SPATA31F1: variants seen among roughly 807,000 people sequenced by gnomAD.
SPATA31F1 encodes the protein protein SPATA31F1.
the SPATA31F1 span, chr9:34,728,019 C>A: frequency 1.3e-6 from 2 of 1,551,880 alleles, no homozygotes; most frequent in Non-Finnish European, 1.7e-6. Flanking sequence ...AGCAATAGAT[C>A]ACCTTTTAAT....
the SPATA31F1 span, chr9:34,724,218 G>C: frequency 1.3e-6 from 2 of 1,551,506 alleles, no homozygotes; most frequent in Non-Finnish European, 1.7e-6. Flanking sequence ...TGAACACAAG[G>C]CATGTGGGCC....
the SPATA31F1 span, chr9:34,727,970 A>G: frequency 6.6e-7 from 1 of 1,522,142 alleles, no homozygotes; most frequent in Non-Finnish European, 8.9e-7. Flanking sequence ...AAGCCAAGAA[A>G]TCATCATAGG....
chr9:34,728,451 C>T, the SPATA31F1 span, among the ~76,000 whole-genome samples: 12 of 152,176 alleles, frequency 7.9e-5, no homozygotes, highest in Admixed American at 2.0e-4. Flanking sequence ...TTGGAACATT[C>T]TCAAGTTATG....
chr9:34,729,155 A>T, the SPATA31F1 span: 2 of 1,142,098 alleles, frequency 1.8e-6, no homozygotes, highest in Admixed American at 5.8e-5. Context: ...CTGAGAAGAA[A>T]AGTATTACAC....
chr9:34,728,691 C>T, the SPATA31F1 span: 1 of 1,545,996 alleles, frequency 6.5e-7, no homozygotes, highest in Non-Finnish European at 8.8e-7. Context: ...GAAGCTGGGA[C>T]ACCATTTTCT....
At chr9:34,727,520 G>A in the SPATA31F1 span, among the ~76,000 whole-genome samples, 4 of 152,330 alleles carry the variant, frequency 2.6e-5, no homozygotes, top group East Asian at 7.7e-4. Flanking sequence ...CTTAAGGAGA[G>A]GATAATATAA....
the SPATA31F1 span, chr9:34,724,796 G>C: frequency 7.7e-6 from 12 of 1,551,440 alleles, no homozygotes; most frequent in South Asian, 1.4e-4. Flanking sequence ...CACGGGACTA[G>C]GCTCCATCTC....
At chr9:34,728,661 A>C in the SPATA31F1 span, 1 of 1,551,518 alleles carries the variant, frequency 6.4e-7, no homozygotes, top group South Asian at 1.2e-5. Flanking sequence ...GACACTTAGA[A>C]GACAAAAACA....
chr9:34,728,272 A>C, the SPATA31F1 span, among the ~76,000 whole-genome samples: 1 of 152,226 alleles, frequency 6.6e-6, no homozygotes, highest in South Asian at 2.1e-4. Context: ...TTTGATTTTT[A>C]CAACCACAAT....
chr9:34,724,992 C>T, the SPATA31F1 span: 1 of 1,552,044 alleles, frequency 6.4e-7, no homozygotes, highest in South Asian at 1.2e-5. Context: ...CCTGGTAAAG[C>T]CTGTTGCTGC....
At chr9:34,727,071 T>C in the SPATA31F1 span, 1 of 1,478,818 alleles carries the variant, frequency 6.8e-7, no homozygotes, top group Non-Finnish European at 9.0e-7. Flanking sequence ...GGCACTCTCC[T>C]TTCCCAGTCC....
chr9:34,728,728 TTACA>T, the SPATA31F1 span: 3,409 of 1,358,010 alleles, frequency 2.5e-3, 66 homozygotes, highest in African/African-American at 0.042. Context: ...GAGACAAAAC[TTACA>T]TACATTTTTC....
the SPATA31F1 span, among the ~76,000 whole-genome samples, chr9:34,728,861 CA>C: frequency 2.0e-5 from 3 of 152,084 alleles, no homozygotes; most frequent in African/African-American, 7.2e-5. Context: ...GAGGCTTTTC[CA>C]AATTCTATAC....
chr9:34,723,601 A>G, the SPATA31F1 span: 392 of 1,551,648 alleles, frequency 2.5e-4, 2 homozygotes, highest in African/African-American at 4.5e-3. Context: ...ATTTAATTTT[A>G]TTTCTGAAGC....
At chr9:34,726,614 T>C in the SPATA31F1 span, 1 of 1,551,770 alleles carries the variant, frequency 6.4e-7, no homozygotes, top group Non-Finnish European at 8.7e-7. Flanking sequence ...ATCTGGCACT[T>C]GAAATTCCTG....
chr9:34,723,190 C>T, the SPATA31F1 span: 1 of 1,533,870 alleles, frequency 6.5e-7, no homozygotes, highest in South Asian at 1.2e-5. Context: ...GCATGTTCTC[C>T]TTGAGCGGAC....
chr9:34,723,552 C>A, the SPATA31F1 span: 1 of 1,551,778 alleles, frequency 6.4e-7, no homozygotes, highest in Non-Finnish European at 8.7e-7. Context: ...TCCTCATGCC[C>A]TTTGCCTTTT....
the SPATA31F1 span, chr9:34,726,594 C>T: frequency 6.4e-7 from 1 of 1,551,654 alleles, no homozygotes; most frequent in Non-Finnish European, 8.7e-7. Flanking sequence ...GTGTTTGGGC[C>T]CCGGAGCACA....
chr9:34,723,270 G>A, the SPATA31F1 span: 39 of 1,551,650 alleles, frequency 2.5e-5, no homozygotes, highest in Middle Eastern at 1.7e-4. Context: ...CAAGCCTCTC[G>A]AGGACAGTGA....
Sources: allele counts gnomAD v4.1 joint callset (sites outside exome capture counted in the v4.1 genomes callset), GRCh38; gene constraint gnomAD v4.1.1; transcripts MANE v1.5; gene names NCBI Gene and HGNC (gene_info 2026-07-23, HGNC 2026-07-21).